The following RARB variants were observed in gnomAD, a reference collection of about 807,000 sequenced individuals.
RARB encodes retinoic acid receptor beta.
In RARB, 17 loss-of-function variants were observed where a neutral mutation model predicts 51.9. The ratio of observed to expected loss-of-function variants is 0.33; its 90% CI spans 0.22 to 0.49. The LOEUF (loss-of-function observed/expected upper bound fraction) is 0.49. Ranked by LOEUF, RARB falls within the 20% of genes least tolerant of loss-of-function variation. The pLI, the probability that RARB is intolerant of heterozygous loss-of-function variation, is 0.99. For synonymous variants in RARB, 215 were observed against 195.4 expected, an observed-to-expected ratio of 1.10 and a Z score of -0.84; for missense variants, 369 against 550.8, an observed-to-expected ratio of 0.67 and a Z score of 3.30.
In RARB at chr3:24,868,706, C is replaced by T. The variant is rs546717171; in HGVS notation, c.-380+9954C>T. On this transcript the variant is annotated intron_variant, in intron 2 of 11. Transcript: ENST00000383772. ...ATTCTCTCTGAAGCCTGCTACCTGG[C>T]GACTTCACTTGTGTGATAAAACCTT... 5.9e-5 allele frequency among the ~76,000 whole-genome samples: 9 copies of T among 152,254 alleles called. No individual in the cohort carries two copies. In the East Asian group the frequency reaches 1.7e-3, roughly 29 times the overall value.
chr3:25,183,767 T>C (rs527616438), intron 5 of RARB, among the ~76,000 whole-genome samples: 6 of 152,298 alleles, frequency 3.9e-5, no homozygotes, highest in Middle Eastern at 3.4e-3. Flanking sequence ...GGACAGTCTT[T>C]CAACAGTCAA....
At chr3:25,344,278 G>GT (rs1356786261) in intron 5 of RARB, among the ~76,000 whole-genome samples, 1 of 152,026 alleles carries the variant, frequency 6.6e-6, no homozygotes, top group South Asian at 2.1e-4. Flanking sequence ...TTGGTGCTTT[G>GT]TTTTTTTAAA....
Position 25,116,440 on chromosome 3 carries a change from C to T in RARB, c.-327-15721C>T, listed in dbSNP as rs1014492474. Among the ~76,000 whole-genome samples, 98 of 149,546 alleles carry T rather than the reference C, an allele frequency of 6.6e-4. 1 individual carries two copies. The highest frequency in any genetic ancestry group is 2.0e-3 in the African/African-American group (83 of 40,740). On this transcript the variant is annotated intron_variant, in intron 3 of 11. Coordinates refer to the RARB transcript ENST00000383772. ...ATCTTATTAAAGTTTACAAAAAAAA[C>T]GAGTCGAGAATATAGGAAAATAAAG...
intron 2 of RARB, among the ~76,000 whole-genome samples, chr3:24,900,811 T>A (rs1486083404): frequency 6.6e-6 from 1 of 152,206 alleles, no homozygotes; most frequent in African/African-American, 2.4e-5. Context: ...ACGAAAGTGA[T>A]GTTATAATAA....
chr3:24,940,886 A>G (rs779364077), intron 2 of RARB, among the ~76,000 whole-genome samples: 3 of 152,186 alleles, frequency 2.0e-5, no homozygotes, highest in African/African-American at 4.8e-5. Flanking sequence ...TGTGAAAAAT[A>G]TAGGAATTTA....
intron 2 of RARB, among the ~76,000 whole-genome samples, chr3:24,907,090 C>T (rs1031299279): frequency 6.6e-6 from 1 of 152,056 alleles, no homozygotes; most frequent in Non-Finnish European, 1.5e-5. Flanking sequence ...ATTTATGGAG[C>T]ACCCCCCATG....
chr3:25,207,902 C>G (rs370983500), intron 5 of RARB, among the ~76,000 whole-genome samples: 7 of 152,074 alleles, frequency 4.6e-5, no homozygotes, highest in African/African-American at 1.7e-4. Context: ...GTAGGTTGTA[C>G]AAGCGTGGTG....
At chr3:25,254,660 G>A (rs747421723) in intron 5 of RARB, among the ~76,000 whole-genome samples, 1 of 152,134 alleles carries the variant, frequency 6.6e-6, no homozygotes, top group Non-Finnish European at 1.5e-5. Flanking sequence ...AGGCCTTGTG[G>A]GTGTTGCAGT....
chr3:25,289,620 G>T (rs1034043087), intron 5 of RARB, among the ~76,000 whole-genome samples: 4 of 152,172 alleles, frequency 2.6e-5, no homozygotes, highest in Non-Finnish European at 4.4e-5. Context: ...AAGCTTGAAG[G>T]ATTGCACTTT....
At chr3:25,052,472 CT>C (rs1193859845) in intron 2 of RARB, among the ~76,000 whole-genome samples, 1 of 152,098 alleles carries the variant, frequency 6.6e-6, no homozygotes, top group Non-Finnish European at 1.5e-5. Context: ...TTGGGGCATA[CT>C]GTACTAAAAA....
At chr3:25,344,594 T>G (rs1396514367) in intron 5 of RARB, among the ~76,000 whole-genome samples, 8 of 152,202 alleles carry the variant, frequency 5.3e-5, no homozygotes, top group Non-Finnish European at 1.0e-4. Context: ...TGTTTTTTCC[T>G]TTTGACTGAA....
In RARB at chr3:25,259,985, C is replaced by G. The variant is rs371409064; in HGVS notation, c.178+85410C>G. ...GTGTGGAGCCAACTTCTCAGCCAGCCTTTTACTCTCCTCAGTTTGTTTTTG... is the reference window on the plus strand; with the variant it reads ...GTGTGGAGCCAACTTCTCAGCCAGCGTTTTACTCTCCTCAGTTTGTTTTTG... On this transcript the variant is annotated intron_variant, in intron 5 of 11. Coordinates refer to the RARB transcript ENST00000383772. 1.1e-4 allele frequency: 104 copies of G among 985,198 alleles called. No homozygotes were observed. The African/African-American group carries it at 1.7e-3, about 17-fold the overall frequency. The allele number at this position is 985,198 out of a possible 1,614,324, so 61.0% of individuals were successfully genotyped here.
chr3:25,196,150 C>T (rs79492456), intron 5 of RARB, among the ~76,000 whole-genome samples: 2 of 151,920 alleles, frequency 1.3e-5, no homozygotes, highest in Non-Finnish European at 2.9e-5. Flanking sequence ...ATACATGTGC[C>T]ATGTTGGTGT....
At chr3:25,073,033 C>T (rs1350814043) in intron 3 of RARB, among the ~76,000 whole-genome samples, 6 of 152,002 alleles carry the variant, frequency 3.9e-5, no homozygotes. Flanking sequence ...TTTTTTCCTG[C>T]CATTTGAATA....
chr3:24,970,671 C>G (rs1696377769), intron 2 of RARB, among the ~76,000 whole-genome samples: 1 of 151,504 alleles, frequency 6.6e-6, no homozygotes, highest in Admixed American at 6.6e-5. Flanking sequence ...TTGGAGAAGA[C>G]CTAGAGGATA....
At position 24,895,346 on chromosome 3, in the gene RARB, C is replaced by T. The variant is rs1178959489; in HGVS notation, c.-380+36594C>T. Reference sequence around the variant, plus strand: ...TCCCTAGCTCTGAATTAGTGACTCTCAATTTTGTTGTACATCAGAATCACC... The same window carrying T: ...TCCCTAGCTCTGAATTAGTGACTCTTAATTTTGTTGTACATCAGAATCACC... On this transcript the variant is annotated intron_variant, in intron 2 of 11. Transcript: ENST00000383772. Among the ~76,000 whole-genome samples, 8 of 152,162 alleles carry T rather than the reference C, an allele frequency of 5.3e-5. No individual in the cohort carries two copies. In the East Asian group the frequency reaches 1.5e-3, roughly 29 times the overall value.
chr3:25,303,404 C>A (rs189167894), intron 5 of RARB, among the ~76,000 whole-genome samples: 1 of 152,162 alleles, frequency 6.6e-6, no homozygotes, highest in African/African-American at 2.4e-5. Flanking sequence ...TAAGCTAGAA[C>A]ATAATATTTG....
chr3:25,596,500 G>A lies in RARB; in HGVS notation c.1231G>A (p.Glu411Lys). The A allele has an allele frequency of 1.2e-6, 2 of 1,613,488 alleles. No homozygotes were observed. Among genetic ancestry groups the A allele is most frequent in the Non-Finnish European group, 1.7e-6 (2 of 1,179,468 alleles). ...CATTCAAGAAATGCTGGAGAATTCT[G>A]AAGGACATGAACCCTTGACCCCAAG... ...PLIQEMLENS[E>K]GHEPLTPSSS... The change falls in exon 8 of 8, where the codon GAA (glutamate) becomes AAA (lysine). Residue 411 changes from glutamate (E) to lysine (K), a missense_variant. Physicochemically the swap from Glu to Lys is moderately conservative, Grantham distance 56. Transcript: ENST00000330688.
intron 2 of RARB, among the ~76,000 whole-genome samples, chr3:24,956,920 C>G (rs1005920158): frequency 2.6e-5 from 4 of 152,194 alleles, no homozygotes; most frequent in Non-Finnish European, 4.4e-5. Flanking sequence ...CATACAGTTG[C>G]AACAGCCAGT....
Sources: gnomAD v4.1 joint callset for allele counts (sites outside exome capture counted in the v4.1 genomes callset) on GRCh38, gnomAD v4.1.1 for gene constraint, MANE v1.5 for transcripts, NCBI Gene and HGNC (gene_info 2026-07-23, HGNC 2026-07-21) for gene names.